The following DPY19L3 variants were observed in gnomAD, a reference collection of about 807,000 sequenced individuals.
DPY19L3 encodes protein C-mannosyl-transferase DPY19L3.
A neutral mutation model predicts 92.3 loss-of-function variants in DPY19L3; 51 were observed. The observed-to-expected ratio is 0.55, with a 90% CI of 0.44 to 0.70. The LOEUF (loss-of-function observed/expected upper bound fraction) is 0.70. DPY19L3 is among the 30% of genes least tolerant of loss of function. The pLI is 0.00. For synonymous variants in DPY19L3, 309 were observed against 315.2 expected (o/e 0.98, Z 0.21); for missense variants, 706 against 855.9 (o/e 0.82, Z 2.18).
chr19:32,480,979 TC>T, intron 18 of DPY19L3: 1 of 404,576 alleles, frequency 2.5e-6, no homozygotes, highest in Non-Finnish European at 4.4e-6. Context: ...GGTGGTGGAT[TC>T]CCCCTACCCC....
chr19:32,453,866 A>G (rs1969784096), intron 9 of DPY19L3, among the ~76,000 whole-genome samples: 3 of 152,130 alleles, frequency 2.0e-5, no homozygotes, highest in Non-Finnish European at 2.9e-5. Context: ...AGCTTTATTT[A>G]TATAATTAAA....
rs377664413 is a variant in DPY19L3, at chr19:32,428,316, C to A, written c.238-4400C>A. ...CGTGAGTTGTTCTTGTTTTTTTAAACATGAGTTGTTTTGTTTTTTTTAAAA... is the reference window on the plus strand; with the variant it reads ...CGTGAGTTGTTCTTGTTTTTTTAAAAATGAGTTGTTTTGTTTTTTTTAAAA... On this transcript the variant is annotated intron_variant, in intron 3 of 18. Coordinates refer to ENST00000392250, the MANE Select transcript of DPY19L3 (RefSeq NM_001172774.2). Among the ~76,000 whole-genome samples, 31 of 152,010 alleles carry A rather than the reference C, an allele frequency of 2.0e-4. 1 individual carries two copies. The East Asian group carries it at 3.5e-3, about 17-fold the overall frequency.
intron 16 of DPY19L3, among the ~76,000 whole-genome samples, chr19:32,471,693 A>G (rs1327219515): frequency 2.0e-5 from 3 of 152,112 alleles, no homozygotes; most frequent in Non-Finnish European, 4.4e-5. Flanking sequence ...AGGCTTTCCA[A>G]GTATTCTCAG....
At chr19:32,412,454 G>A (rs369593475) in intron 3 of DPY19L3, 7 of 138,242 alleles carry the variant, frequency 5.1e-5, no homozygotes, top group African/African-American at 5.4e-5. Flanking sequence ...GCTACAACAG[G>A]AAAAAAAAAA....
intron 16 of DPY19L3, among the ~76,000 whole-genome samples, chr19:32,470,781 C>CT (rs71336911): frequency 0.3 from 27,391 of 90,750 alleles, 4,818 homozygotes; most frequent in African/African-American, 0.35. Flanking sequence ...ATTCCTTTGG[C>CT]TTTTTTTTTT....
chr19:32,421,689 A>G (rs1282915827), intron 3 of DPY19L3, among the ~76,000 whole-genome samples: 1 of 151,306 alleles, frequency 6.6e-6, no homozygotes, highest in Admixed American at 6.6e-5. Flanking sequence ...TAAAGTGAGT[A>G]AAGTGTCGTC....
intron 3 of DPY19L3, among the ~76,000 whole-genome samples, chr19:32,430,917 G>A (rs184831921): frequency 9.9e-5 from 15 of 150,854 alleles, no homozygotes; most frequent in East Asian, 2.0e-4. Context: ...ATGAGCCACC[G>A]CACCCAGCCT....
intron 3 of DPY19L3, among the ~76,000 whole-genome samples, chr19:32,418,572 A>C (rs1968455843): frequency 6.6e-6 from 1 of 152,178 alleles, no homozygotes; most frequent in African/African-American, 2.4e-5. Context: ...ATATCACTGA[A>C]CAAAGACCTT....
intron 8 of DPY19L3, among the ~76,000 whole-genome samples, chr19:32,447,720 C>CATAGATAGATAGATAGATAGATAG (rs56116714): frequency 1.5e-5 from 2 of 131,644 alleles, no homozygotes; most frequent in Non-Finnish European, 3.2e-5. Flanking sequence ...CCGTCTCATT[C>CATAGATAGATAGATAGATAGATAG]ATAGATAGAT....
At chr19:32,447,853 T>C (rs1208989306) in intron 8 of DPY19L3, among the ~76,000 whole-genome samples, 3 of 151,912 alleles carry the variant, frequency 2.0e-5, no homozygotes, top group Non-Finnish European at 4.4e-5. Flanking sequence ...GATAGATAGA[T>C]AGATAGAGCT....
rs557301537 is a variant in DPY19L3, at chr19:32,411,456, C to G, written c.237+84C>G. 65 of 1,457,184 alleles carry G rather than the reference C, an allele frequency of 4.5e-5. 1 individual carries two copies. In the South Asian group the frequency reaches 7.7e-4, roughly 17 times the overall value. 90.3% of individuals were successfully genotyped at this position (1,457,184 alleles called of 1,614,324 possible). A position where few individuals can be genotyped will look rare whatever the true frequency, so the allele number is the denominator to read the frequency against. On this transcript the variant is annotated intron_variant, in intron 3 of 18. Coordinates refer to ENST00000392250, the MANE Select transcript of DPY19L3 (RefSeq NM_001172774.2). Reference sequence around the variant, plus strand: ...ATGTGGATGAATGACCAAGGCAACACAGTTTTGCCATAAAGAATCCAATCT... The same window carrying G: ...ATGTGGATGAATGACCAAGGCAACAGAGTTTTGCCATAAAGAATCCAATCT...
At chr19:32,415,458 G>A (rs564093109) in intron 3 of DPY19L3, among the ~76,000 whole-genome samples, 1 of 152,186 alleles carries the variant, frequency 6.6e-6, no homozygotes, top group Non-Finnish European at 1.5e-5. Context: ...AGTACAAGGG[G>A]AGAGGGGATG....
intron 3 of DPY19L3, among the ~76,000 whole-genome samples, chr19:32,421,650 A>G (rs947225865): frequency 2.0e-4 from 28 of 137,808 alleles, no homozygotes; most frequent in Admixed American, 1.1e-3. Context: ...AAAAAAAGAG[A>G]GAGGAGTCTG....
At chr19:32,442,923 T>G (rs986891817) in intron 8 of DPY19L3, among the ~76,000 whole-genome samples, 4 of 152,100 alleles carry the variant, frequency 2.6e-5, no homozygotes, top group African/African-American at 9.7e-5. Context: ...AACCAGAACT[T>G]TCACCATCTC....
At chr19:32,416,462 C>T (rs548342162) in intron 3 of DPY19L3, among the ~76,000 whole-genome samples, 1 of 152,150 alleles carries the variant, frequency 6.6e-6, no homozygotes, top group East Asian at 1.9e-4. Context: ...ACCAGTGGCA[C>T]GTTTGGGGCC....
intron 2 of DPY19L3, among the ~76,000 whole-genome samples, chr19:32,408,613 C>G (rs928459394): frequency 2.0e-5 from 3 of 152,180 alleles, no homozygotes; most frequent in Non-Finnish European, 4.4e-5. Context: ...CTTTGACTCT[C>G]TAGAGTAATG....
At chr19:32,414,799 A>C (rs2145410158) in intron 3 of DPY19L3, among the ~76,000 whole-genome samples, 1 of 152,310 alleles carries the variant, frequency 6.6e-6, no homozygotes, top group South Asian at 2.1e-4. Context: ...TAGCTCTTTA[A>C]TTTAAAACTT....
intron 8 of DPY19L3, among the ~76,000 whole-genome samples, chr19:32,442,155 T>C (rs1485908988): frequency 6.6e-6 from 1 of 152,092 alleles, no homozygotes; most frequent in Admixed American, 6.6e-5. Context: ...AAAAAGGTAA[T>C]ACAAATTCAG....
At chr19:32,463,599 A>T in intron 13 of DPY19L3, 111 bp downstream of exon 13, 1 of 1,298,856 alleles carries the variant, frequency 7.7e-7, no homozygotes, top group Admixed American at 2.2e-5. Flanking sequence ...TGGTTCCCAT[A>T]AAATCATCCT....
Sources: gnomAD v4.1 joint callset for allele counts (sites outside exome capture counted in the v4.1 genomes callset) on GRCh38, gnomAD v4.1.1 for gene constraint, MANE v1.5 for transcripts, NCBI Gene and HGNC (gene_info 2026-07-23, HGNC 2026-07-21) for gene names.